The following CNTNAP2 variants were observed in gnomAD, a reference collection of about 807,000 sequenced individuals.
CNTNAP2 encodes the protein contactin-associated protein-like 2.
Under a neutral mutation model 155.2 loss-of-function variants are expected in CNTNAP2, and 98 were observed. That is an observed-to-expected ratio of 0.63 (90% CI 0.54 to 0.75). The LOEUF (loss-of-function observed/expected upper bound fraction) is 0.75. Ranked by LOEUF, CNTNAP2 falls within the 30% of genes least tolerant of loss-of-function variation. CNTNAP2 has a pLI of 0.00. For synonymous variants in CNTNAP2, 651 were observed against 631.2 expected (o/e 1.03, Z -0.47); for missense variants, 1,727 against 1,688.1 (o/e 1.02, Z -0.40).
chr7:146,206,655 C>T (rs890452892), intron 1 of CNTNAP2, among the ~76,000 whole-genome samples: 1 of 151,918 alleles, frequency 6.6e-6, no homozygotes, highest in Non-Finnish European at 1.5e-5. Flanking sequence ...TTCTGGTCAA[C>T]ATTATTTTGT....
intron 8 of CNTNAP2, among the ~76,000 whole-genome samples, chr7:147,229,717 C>T (rs545707217): frequency 7.7e-4 from 117 of 152,158 alleles, no homozygotes; most frequent in Non-Finnish European, 1.2e-3. Context: ...TTGTCTATGT[C>T]GACAAAGGCA....
At chr7:146,504,068 C>G (rs1797345804) in intron 1 of CNTNAP2, among the ~76,000 whole-genome samples, 1 of 152,206 alleles carries the variant, frequency 6.6e-6, no homozygotes, top group African/African-American at 2.4e-5. Flanking sequence ...AATTGTGCGC[C>G]TGCACTACAA....
intron 1 of CNTNAP2, among the ~76,000 whole-genome samples, chr7:146,543,173 A>AT (rs539865880): frequency 8.6e-5 from 13 of 151,914 alleles, no homozygotes; most frequent in Non-Finnish European, 1.3e-4. Context: ...CACTTAATAA[A>AT]TTTTTTTTAT....
At chr7:147,806,389 G>A (rs953273773) in intron 13 of CNTNAP2, among the ~76,000 whole-genome samples, 1 of 152,086 alleles carries the variant, frequency 6.6e-6, no homozygotes, top group African/African-American at 2.4e-5. Flanking sequence ...GCCCACTGGT[G>A]GTGGGAATGT....
intron 18 of CNTNAP2, among the ~76,000 whole-genome samples, chr7:148,203,758 A>T (rs1298195326): frequency 6.6e-6 from 1 of 152,138 alleles, no homozygotes; most frequent in African/African-American, 2.4e-5. Context: ...AAAAAGAAAG[A>T]AAAGAAAAGG....
intron 15 of CNTNAP2, among the ~76,000 whole-genome samples, chr7:148,049,119 G>A (rs1802835424): frequency 6.6e-6 from 1 of 152,112 alleles, no homozygotes; most frequent in African/African-American, 2.4e-5. Context: ...GGATCCTGAG[G>A]CAGAAGAATC....
At chr7:146,846,552 C>G (rs1305456187) in intron 3 of CNTNAP2, among the ~76,000 whole-genome samples, 1 of 152,102 alleles carries the variant, frequency 6.6e-6, no homozygotes, top group African/African-American at 2.4e-5. Flanking sequence ...GATCCTTTTG[C>G]ATATACTGTA....
intron 8 of CNTNAP2, among the ~76,000 whole-genome samples, chr7:147,252,236 T>C (rs1356697998): frequency 6.6e-6 from 1 of 152,196 alleles, no homozygotes; most frequent in Non-Finnish European, 1.5e-5. Flanking sequence ...ACTTGTAAGA[T>C]GGATTAAAGA....
chr7:147,078,939 C>T (rs1277250825), intron 4 of CNTNAP2, among the ~76,000 whole-genome samples: 1 of 151,806 alleles, frequency 6.6e-6, no homozygotes, highest in African/African-American at 2.4e-5. Context: ...TCAGTAGAGA[C>T]AGGGTTTCAC....
At chr7:148,067,930 GA>G (rs1192183991) in intron 15 of CNTNAP2, among the ~76,000 whole-genome samples, 3 of 152,230 alleles carry the variant, frequency 2.0e-5, no homozygotes, top group African/African-American at 7.2e-5. Context: ...GGAAGTGGGG[GA>G]AAGTCGTCAG....
intron 1 of CNTNAP2, among the ~76,000 whole-genome samples, chr7:146,224,724 G>A (rs1279472577): frequency 2.6e-5 from 4 of 152,092 alleles, no homozygotes; most frequent in African/African-American, 7.2e-5. Context: ...AGCTGAGATC[G>A]CGCCACTGCA....
chr7:148,022,480 A>AAAAGAAAAAAAGAAAAG (rs1554463129), intron 15 of CNTNAP2, among the ~76,000 whole-genome samples: 6 of 138,284 alleles, frequency 4.3e-5, no homozygotes, highest in African/African-American at 8.2e-5. Flanking sequence ...AAAAAAAAAA[A>AAAAGAAAAAAAGAAAAG]AAAAGAAAAG....
chr7:148,289,182 T>C (rs1797147826), intron 21 of CNTNAP2, among the ~76,000 whole-genome samples: 1 of 152,098 alleles, frequency 6.6e-6, no homozygotes, highest in South Asian at 2.1e-4. Flanking sequence ...AAAGTCACAA[T>C]AGCTCCAGGG....
chr7:147,627,833 G>A (rs980485501), intron 12 of CNTNAP2, among the ~76,000 whole-genome samples: 1 of 151,492 alleles, frequency 6.6e-6, no homozygotes, highest in African/African-American at 2.4e-5. Flanking sequence ...TACAAAAAGT[G>A]TAGTGTGGGA....
intron 21 of CNTNAP2, among the ~76,000 whole-genome samples, chr7:148,310,108 A>G (rs1797567330): frequency 6.6e-6 from 1 of 152,138 alleles, no homozygotes. Flanking sequence ...GAAAAACTAT[A>G]CGGAATAAGA....
chr7:148,079,839 G>T (rs1368471958), intron 15 of CNTNAP2, among the ~76,000 whole-genome samples: 1 of 152,140 alleles, frequency 6.6e-6, no homozygotes, highest in Admixed American at 6.6e-5. Flanking sequence ...AGGGTATAAT[G>T]AGGCATGTGC....
intron 1 of CNTNAP2, among the ~76,000 whole-genome samples, chr7:146,351,175 A>T (rs943158330): frequency 2.0e-5 from 3 of 152,064 alleles, no homozygotes; most frequent in African/African-American, 4.8e-5. Context: ...AACTTAAAGT[A>T]TAATAATAAT....
At chr7:148,344,907 T>C (rs1214150602) in intron 21 of CNTNAP2, among the ~76,000 whole-genome samples, 1 of 152,098 alleles carries the variant, frequency 6.6e-6, no homozygotes, top group African/African-American at 2.4e-5. Context: ...AAATTCAAAA[T>C]AAAGGAGACC....
At chr7:147,690,848 G>GA (rs568767957) in intron 13 of CNTNAP2, among the ~76,000 whole-genome samples, 1,591 of 152,128 alleles carry the variant, frequency 0.01, 20 homozygotes, top group African/African-American at 0.036. Context: ...CTGTACAGAT[G>GA]AAAAAATTAT....
Sources: gnomAD v4.1 joint callset for allele counts (sites outside exome capture counted in the v4.1 genomes callset) on GRCh38, gnomAD v4.1.1 for gene constraint, MANE v1.5 for transcripts, NCBI Gene and HGNC (gene_info 2026-07-23, HGNC 2026-07-21) for gene names.